OPCML: variants seen among roughly 807,000 people sequenced by gnomAD.
OPCML encodes the protein opioid-binding protein/cell adhesion molecule.
Under a neutral mutation model 37.8 loss-of-function variants are expected in OPCML, and 13 were observed. The ratio of observed to expected loss-of-function variants is 0.34; its 90% CI spans 0.22 to 0.55. The LOEUF is 0.55. Among genes scored for constraint, OPCML ranks in the 20% least tolerant of loss-of-function variants. The pLI, the probability that OPCML is intolerant of heterozygous loss-of-function variation, is 0.91. For synonymous variants in OPCML, 176 were observed against 168.8 expected, an observed-to-expected ratio of 1.04 and a Z score of -0.33; for missense variants, 341 against 435.6, an observed-to-expected ratio of 0.78 and a Z score of 1.93.
intron 2 of OPCML, among the ~76,000 whole-genome samples, chr11:132,814,003 T>C (rs1939491375): frequency 6.6e-6 from 1 of 152,184 alleles, no homozygotes; most frequent in East Asian, 1.9e-4. Flanking sequence ...TGCCTCAAAG[T>C]TATCCTTTTC....
At chr11:133,200,509 G>T (rs1175018902) in intron 1 of OPCML, among the ~76,000 whole-genome samples, 7 of 152,046 alleles carry the variant, frequency 4.6e-5, no homozygotes, top group African/African-American at 4.8e-5. Flanking sequence ...ATACAATTGT[G>T]GTGTGCTTTT....
intron 1 of OPCML, among the ~76,000 whole-genome samples, chr11:133,058,795 T>A (rs1464973656): frequency 1.3e-5 from 2 of 152,204 alleles, no homozygotes; most frequent in Non-Finnish European, 2.9e-5. Context: ...ATAACCTAAG[T>A]ATTTTAAGGA....
At chr11:132,892,717 A>G (rs1256156773) in intron 2 of OPCML, among the ~76,000 whole-genome samples, 1 of 152,232 alleles carries the variant, frequency 6.6e-6, no homozygotes, top group Non-Finnish European at 1.5e-5. Context: ...CGGTGAGCCA[A>G]GATCATGCCG....
chr11:133,170,247 C>A (rs549282377), intron 1 of OPCML, among the ~76,000 whole-genome samples: 1 of 152,166 alleles, frequency 6.6e-6, no homozygotes, highest in African/African-American at 2.4e-5. Flanking sequence ...GAGGCCGAGG[C>A]GGGCAGATCA....
chr11:132,600,294 C>T (rs1937762417), intron 3 of OPCML, among the ~76,000 whole-genome samples: 1 of 152,210 alleles, frequency 6.6e-6, no homozygotes, highest in Non-Finnish European at 1.5e-5. Flanking sequence ...TATCTTTAAC[C>T]AAATGTTTTC....
chr11:133,168,404 T>G (rs1291574585), intron 1 of OPCML, among the ~76,000 whole-genome samples: 1 of 152,186 alleles, frequency 6.6e-6, no homozygotes, highest in Admixed American at 6.5e-5. Flanking sequence ...TGTTTTCTTC[T>G]GACTAGATGG....
chr11:133,421,455 A>G, intron 1 of OPCML: 1 of 985,446 alleles, frequency 1.0e-6, no homozygotes, highest in Non-Finnish European at 1.2e-6. Context: ...GGGCTCAAAG[A>G]AAAAACGGAA....
At chr11:132,728,384 T>C (rs548111454) in intron 2 of OPCML, among the ~76,000 whole-genome samples, 30 of 152,256 alleles carry the variant, frequency 2.0e-4, no homozygotes, top group African/African-American at 7.2e-4. Flanking sequence ...TGTGAAGGCA[T>C]CGTTTGGGTG....
chr11:133,152,459 C>T (rs115145304), intron 1 of OPCML, among the ~76,000 whole-genome samples: 2,459 of 152,218 alleles, frequency 0.016, 36 homozygotes, highest in Middle Eastern at 0.041. Context: ...GCATCCACAT[C>T]GACCGGGAAG....
intron 1 of OPCML, among the ~76,000 whole-genome samples, chr11:133,466,021 G>C (rs968219869): frequency 6.6e-6 from 1 of 152,134 alleles, no homozygotes; most frequent in African/African-American, 2.4e-5. Flanking sequence ...AAATCACCAG[G>C]TTTGGCTTCA....
Position 132,754,911 on chromosome 11 carries a change from G to A in OPCML, c.147-97592C>T, listed in dbSNP as rs145754207. Among the ~76,000 whole-genome samples, 14 of 152,302 alleles carry A rather than the reference G, an allele frequency of 9.2e-5. No individual in the cohort carries two copies. The East Asian group carries it at 2.7e-3, about 29-fold the overall frequency. On this transcript the variant is annotated intron_variant, in intron 2 of 7. Transcript: ENST00000524381. ...AAGATTCATCCACAGTGTTCTAGGG[G>A]TGGGATGCATGGGAGGGAAAGAAAT...
intron 1 of OPCML, among the ~76,000 whole-genome samples, chr11:133,069,139 G>A (rs988075857): frequency 6.6e-6 from 1 of 152,214 alleles, no homozygotes; most frequent in African/African-American, 2.4e-5. Context: ...TGTGGAATAA[G>A]TGGATTAACC....
At chr11:133,299,828 G>C (rs2136562593) in intron 1 of OPCML, 1 of 152,204 alleles carries the variant, frequency 6.6e-6, no homozygotes, top group South Asian at 2.1e-4. Context: ...GGGAAGAGGA[G>C]GAAAGAAGGG....
intron 1 of OPCML, chr11:133,006,217 G>T: frequency 1.4e-6 from 1 of 705,636 alleles, no homozygotes; most frequent in Non-Finnish European, 1.7e-6. Flanking sequence ...CTGGCCCCTC[G>T]TCTTCCTGCG....
chr11:132,794,471 C>T (rs890857897), intron 2 of OPCML, among the ~76,000 whole-genome samples: 3 of 152,116 alleles, frequency 2.0e-5, no homozygotes, highest in Non-Finnish European at 4.4e-5. Context: ...GACCTACAAG[C>T]CTAGGTTCAG....
chr11:133,399,864 ATT>A (rs1491410733), intron 1 of OPCML, among the ~76,000 whole-genome samples: 1 of 148,636 alleles, frequency 6.7e-6, no homozygotes, highest in Non-Finnish European at 1.5e-5. Flanking sequence ...ATATATATAT[ATT>A]ATATATATAT....
intron 2 of OPCML, among the ~76,000 whole-genome samples, chr11:132,926,383 T>C (rs1342989629): frequency 6.6e-6 from 1 of 152,036 alleles, no homozygotes; most frequent in Non-Finnish European, 1.5e-5. Flanking sequence ...CTGCAAGAGA[T>C]TACTTGCAGA....
intron 2 of OPCML, among the ~76,000 whole-genome samples, chr11:132,911,501 G>A (rs775994906): frequency 6.6e-6 from 1 of 152,166 alleles, no homozygotes; most frequent in East Asian, 1.9e-4. Flanking sequence ...TGATTGTCTC[G>A]GGAACTCTCC....
At chr11:132,931,742 T>C (rs940173263) in intron 2 of OPCML, among the ~76,000 whole-genome samples, 1 of 152,246 alleles carries the variant, frequency 6.6e-6, no homozygotes, top group Admixed American at 6.5e-5. Flanking sequence ...CTATGAAAAC[T>C]GCGTGGCGTT....
Sources: allele counts gnomAD v4.1 joint callset (sites outside exome capture counted in the v4.1 genomes callset), GRCh38; gene constraint gnomAD v4.1.1; transcripts MANE v1.5; gene names NCBI Gene and HGNC (gene_info 2026-07-23, HGNC 2026-07-21).